Variants in C6orf118 observed in about 807,000 individuals in gnomAD.
C6orf118 encodes uncharacterized protein C6orf118.
A neutral mutation model predicts 50.2 loss-of-function variants in C6orf118; 50 were observed. The observed-to-expected ratio is 1.00, with a 90% CI of 0.79 to 1.26. The LOEUF is 1.26. Among genes scored for constraint, C6orf118 ranks in the 50% most tolerant of loss-of-function variants. The pLI, the probability that C6orf118 is intolerant of heterozygous loss-of-function variation, is 0.00. For missense variants in C6orf118, 641 were observed against 578.7 expected (o/e 1.11, Z -1.10); for synonymous variants, 239 against 230.9 (o/e 1.03, Z -0.32).
intron 1 of C6orf118, among the ~76,000 whole-genome samples, chr6:165,302,804 T>C (rs557386): frequency 0.43 from 64,719 of 151,908 alleles, 14,749 homozygotes; most frequent in African/African-American, 0.58. Flanking sequence ...GCAGCATCCC[T>C]ACAGAGCCAA....
chr6:165,294,996 T>G (rs781521533), intron 5 of C6orf118, among the ~76,000 whole-genome samples: 5 of 152,234 alleles, frequency 3.3e-5, no homozygotes, highest in Non-Finnish European at 7.3e-5. Flanking sequence ...CATATTATAG[T>G]TTTAAATATT....
Position 165,296,250 on chromosome 6 carries a change from G to GTTTTTTTTT in C6orf118, c.1061+1718_1061+1726dup, listed in dbSNP as rs56394079. ...GTTGTTGTTGTTGTTTTCGTTTTTT[G>GTTTTTTTTT]TTTTTTTTTTTTTTTTTTTTTTTTT... On this transcript the variant is annotated intron_variant, in intron 5 of 8. Transcript: ENST00000230301. 6.7e-4 allele frequency among the ~76,000 whole-genome samples: 69 copies of GTTTTTTTTT among 103,366 alleles called. 4 individuals are homozygous for GTTTTTTTTT. Among genetic ancestry groups the GTTTTTTTTT allele is most frequent in the African/African-American group, 1.0e-3 (31 of 30,818 alleles). 67.8% of individuals were successfully genotyped at this position (103,366 alleles called of 152,430 possible). A position where few individuals can be genotyped will look rare whatever the true frequency, so the allele number is the denominator to read the frequency against.
chr6:165,301,445 A>C lies in C6orf118; in HGVS notation c.753+124T>G. On this transcript the variant is annotated intron_variant, in intron 2 of 8. Transcript: ENST00000230301. The stretch of plus-strand genomic sequence containing the variant: ...AGGTCTGCACCGAGAACACTGCCCC[A>C]AGAGCTATGCCCCGGAGCTCTGCCC... 3.0e-6 allele frequency: 4 copies of C among 1,333,762 alleles called. No homozygotes were observed. In the South Asian group the frequency reaches 5.6e-5, roughly 19 times the overall value. 82.6% of individuals were successfully genotyped at this position (1,333,762 alleles called of 1,614,324 possible). A position where few individuals can be genotyped will look rare whatever the true frequency, so the allele number is the denominator to read the frequency against.
At chr6:165,303,177 C>T (rs1242701420) in intron 1 of C6orf118, among the ~76,000 whole-genome samples, 1 of 152,200 alleles carries the variant, frequency 6.6e-6, no homozygotes, top group East Asian at 1.9e-4. Flanking sequence ...CCATCCTTCC[C>T]TGAGTCAACC....
chr6:165,284,013 G>C lies in C6orf118; in HGVS notation c.1303-2320C>G, dbSNP rs537995940. Among the ~76,000 whole-genome samples the C allele has an allele frequency of 7.9e-5, 12 of 152,278 alleles. No individual in the cohort carries two copies. In the South Asian group the frequency reaches 2.3e-3, roughly 29 times the overall value. On this transcript the variant is annotated intron_variant, in intron 7 of 8. Transcript: ENST00000230301. ...GACAGAATTAGACTTCAGAAGGTGG[G>C]TAATAACGAACTTCACTGAGCTAAA...
chr6:165,297,512 A>G (rs150695066), intron 5 of C6orf118, among the ~76,000 whole-genome samples: 8 of 151,692 alleles, frequency 5.3e-5, no homozygotes, highest in African/African-American at 1.5e-4. Context: ...TTCTTGTTTC[A>G]TGCTCTTGAA....
rs1562333710 is a variant in C6orf118 at position 165,300,406 on chromosome 6, AC to A, written c.833del (p.Cys278LeufsTer5). 1.2e-6 allele frequency: 2 copies of A among 1,613,898 alleles called. No individual in the cohort carries two copies. Among genetic ancestry groups the A allele is most frequent in the Non-Finnish European group, 1.7e-6 (2 of 1,179,884 alleles). ...HVFGKVFEDI[C>X]NSSLIFGDLL... Reference sequence around the variant, plus strand: ...GATCACCAAATATCAAAGAACTGTTACAAATATCTTCAAAGACTTTTCCAAA... The same window carrying A: ...GATCACCAAATATCAAAGAACTGTTAAAATATCTTCAAAGACTTTTCCAAA... On this transcript the variant is annotated frameshift_variant, in exon 3 of 9. Coordinates refer to ENST00000230301, the MANE Select transcript of C6orf118 (RefSeq NM_144980.4). LOFTEE classifies it high-confidence loss of function.
chr6:165,293,098 AT>A (rs1780161766), intron 6 of C6orf118: 2 of 288,574 alleles, frequency 6.9e-6, no homozygotes, highest in Admixed American at 8.9e-5. Flanking sequence ...ATTCAAAATA[AT>A]TTTAATATCT....
intron 7 of C6orf118, among the ~76,000 whole-genome samples, chr6:165,283,282 T>C (rs1779793198): frequency 1.3e-5 from 2 of 152,204 alleles, no homozygotes; most frequent in Admixed American, 1.3e-4. Flanking sequence ...TGAGTGATTG[T>C]GTTACCCTGC....
At chr6:165,290,133 T>C (rs1780058817) in intron 6 of C6orf118, 66 bp from the exon 7 acceptor site, 1 of 935,926 alleles carries the variant, frequency 1.1e-6, no homozygotes, top group Non-Finnish European at 1.6e-6. Context: ...AATAGCATTA[T>C]GTATTATTAA....
chr6:165,285,023 G>T (rs1338537703), intron 7 of C6orf118, among the ~76,000 whole-genome samples: 1 of 152,074 alleles, frequency 6.6e-6, no homozygotes, highest in Non-Finnish European at 1.5e-5. Context: ...AGAATGGCAA[G>T]CTAGATAAAG....
rs781167038 is a variant in C6orf118, at chr6:165,289,881, C to G, written c.1302+5G>C. Reference sequence around the variant, plus strand: ...TGTAAATATTTAAATAAATAAGTTGCGTACCTCTATGCTTTTAATCCTATT... The same window carrying G: ...TGTAAATATTTAAATAAATAAGTTGGGTACCTCTATGCTTTTAATCCTATT... On this transcript the variant is annotated splice_donor_5th_base_variant and intron_variant, in intron 7 of 8. Coordinates refer to ENST00000230301, the MANE Select transcript of C6orf118 (RefSeq NM_144980.4). The G allele has an allele frequency of 6.4e-7, 1 of 1,555,264 alleles. No homozygotes were observed. Among genetic ancestry groups the G allele is most frequent in the Non-Finnish European group, 8.7e-7 (1 of 1,151,874 alleles).
chr6:165,299,767 T>C (rs916634116), intron 3 of C6orf118, among the ~76,000 whole-genome samples: 3 of 152,148 alleles, frequency 2.0e-5, no homozygotes, highest in African/African-American at 7.2e-5. Flanking sequence ...ATTGAGGCAA[T>C]CTCTGCCTCC....
chr6:165,291,048 T>C (rs999342681), intron 6 of C6orf118, among the ~76,000 whole-genome samples: 2 of 152,098 alleles, frequency 1.3e-5, no homozygotes, highest in African/African-American at 4.8e-5. Flanking sequence ...TTCACTACCA[T>C]GAGAATAGTA....
At chr6:165,303,127 C>G (rs892243491) in intron 1 of C6orf118, among the ~76,000 whole-genome samples, 1 of 152,194 alleles carries the variant, frequency 6.6e-6, no homozygotes, top group Non-Finnish European at 1.5e-5. Flanking sequence ...CCCATCCATA[C>G]CCTCCTCAGA....
At chr6:165,281,936 AT>A (rs1666795318) in intron 7 of C6orf118, 1 of 268,718 alleles carries the variant, frequency 3.7e-6, no homozygotes, top group African/African-American at 2.2e-5. Context: ...ATATCAGAAA[AT>A]TTTAGGGAAA....
chr6:165,306,547 A>G (rs1319113389), intron 1 of C6orf118, among the ~76,000 whole-genome samples: 4 of 142,982 alleles, frequency 2.8e-5, no homozygotes, highest in Admixed American at 6.8e-5. Flanking sequence ...AAAAAAAAAA[A>G]AAAAAAAAAA....
chr6:165,301,800 C>T lies in C6orf118; in HGVS notation c.522G>A (p.Arg174=), dbSNP rs758111302. 6.2e-6 allele frequency: 10 copies of T among 1,613,936 alleles called. No homozygotes were observed. Among genetic ancestry groups the T allele is most frequent in the Middle Eastern group, 1.7e-4 (1 of 6,060 alleles). Residue 174 remains arginine, a synonymous_variant, in exon 2 of 9, where the codon AGG becomes AGA. Transcript: ENST00000230301. ...TCAAGTCGGGCAGCCGGAGTTCTTC[C>T]CTCCTGCGCCATCCAGGAGGGCCCC... is the stretch of plus-strand genomic sequence containing the variant. ...PGRGPPGWRR[R]EELRLPDLKV... is the part of the protein sequence containing the mutation.
chr6:165,294,272 A>AC (rs1177073465), intron 5 of C6orf118, among the ~76,000 whole-genome samples: 74 of 145,120 alleles, frequency 5.1e-4, no homozygotes, highest in Admixed American at 1.0e-3. Context: ...AAAAAACAAA[A>AC]AAAAAAAAAG....
Sources: allele counts gnomAD v4.1 joint callset (sites outside exome capture counted in the v4.1 genomes callset), GRCh38; gene constraint gnomAD v4.1.1; transcripts MANE v1.5; gene names NCBI Gene and HGNC (gene_info 2026-07-23, HGNC 2026-07-21).